PAM: variants seen among roughly 807,000 people sequenced by gnomAD.
PAM encodes the protein peptidyl-glycine alpha-amidating monooxygenase.
PAM carries 72 observed loss-of-function variants against 122.1 expected under a neutral mutation model. The observed-to-expected ratio is 0.59, with a 90% CI of 0.49 to 0.72. The LOEUF is 0.72. Ranked by LOEUF, PAM falls within the 30% of genes least tolerant of loss-of-function variation. PAM has a pLI of 0.00. For missense variants in PAM, 1,106 were observed against 1,183.7 expected (o/e 0.93, Z 0.96); for synonymous variants, 389 against 404.4 (o/e 0.96, Z 0.46).
chr5:102,796,447 A>T (rs189187718), intron 1 of PAM, among the ~76,000 whole-genome samples: 3 of 152,194 alleles, frequency 2.0e-5, no homozygotes, highest in African/African-American at 7.2e-5. Context: ...TTCACCTTTT[A>T]AATAAGGCAA....
chr5:102,914,291 A>C (rs1401522451), intron 5 of PAM, among the ~76,000 whole-genome samples: 1 of 151,988 alleles, frequency 6.6e-6, no homozygotes, highest in Non-Finnish European at 1.5e-5. Context: ...GGACCCCAAA[A>C]GGGGCTGGGA....
Position 102,849,419 on chromosome 5 carries a change from A to C in PAM, c.-373-16404A>C, listed in dbSNP as rs189195503. Among the ~76,000 whole-genome samples the C allele has an allele frequency of 3.9e-4, 59 of 152,056 alleles. 1 individual carries two copies. Among genetic ancestry groups the C allele is most frequent in the African/African-American group, 1.3e-3 (56 of 41,496 alleles). On this transcript the variant is annotated intron_variant, in intron 1 of 25. Transcript: ENST00000438793. ...TAAAAATACAAAAAATTAGCTGGGC[A>C]TGGTGGCATGCACCTGTAGTCCCAG...
intron 3 of PAM, among the ~76,000 whole-genome samples, chr5:102,889,424 C>G (rs978736674): frequency 2.6e-5 from 4 of 151,836 alleles, no homozygotes; most frequent in Non-Finnish European, 5.9e-5. Flanking sequence ...CTTCTTGGCT[C>G]TTAGGTTTTT....
chr5:102,934,741 T>C (rs970312774), intron 7 of PAM, among the ~76,000 whole-genome samples: 1 of 152,208 alleles, frequency 6.6e-6, no homozygotes, highest in Non-Finnish European at 1.5e-5. Context: ...ACCATCCCTA[T>C]GTAGATACAC....
At chr5:102,839,004 T>C (rs763929723) in intron 1 of PAM, among the ~76,000 whole-genome samples, 2 of 151,980 alleles carry the variant, frequency 1.3e-5, no homozygotes, top group South Asian at 4.2e-4. Context: ...TTAAAGAAAA[T>C]TTCATTACTT....
chr5:102,901,159 G>A (rs1263670822), intron 3 of PAM, among the ~76,000 whole-genome samples, 197 bp from the exon 4 acceptor site: 1 of 151,474 alleles, frequency 6.6e-6, no homozygotes, highest in African/African-American at 2.4e-5. Context: ...AAGTTGTTTA[G>A]GAAAGAGTCT....
chr5:103,024,244 G>T (rs1784366561), intron 23 of PAM, among the ~76,000 whole-genome samples: 1 of 152,110 alleles, frequency 6.6e-6, no homozygotes, highest in Admixed American at 6.6e-5. Flanking sequence ...GTAGGGCAAG[G>T]ATGTCTCAAG....
intron 12 of PAM, among the ~76,000 whole-genome samples, chr5:102,951,777 G>T (rs1053826385): frequency 6.6e-6 from 1 of 151,988 alleles, no homozygotes; most frequent in Non-Finnish European, 1.5e-5. Flanking sequence ...TAAGGCTAAG[G>T]ATAAAACAAA....
At chr5:103,026,975 G>C (rs766228991) in intron 24 of PAM, among the ~76,000 whole-genome samples, 1 of 152,144 alleles carries the variant, frequency 6.6e-6, no homozygotes, top group African/African-American at 2.4e-5. Flanking sequence ...GACTTTACAG[G>C]AATGTGTTAG....
At chr5:102,956,907 T>C (rs2150169232) in intron 12 of PAM, among the ~76,000 whole-genome samples, 1 of 152,230 alleles carries the variant, frequency 6.6e-6, no homozygotes, top group South Asian at 2.1e-4. Context: ...CTTCCAAATA[T>C]ACATGTAACA....
chr5:102,919,667 G>A (rs977166724), intron 5 of PAM, among the ~76,000 whole-genome samples: 10 of 152,078 alleles, frequency 6.6e-5, no homozygotes, highest in Non-Finnish European at 1.3e-4. Flanking sequence ...ATAAATTACT[G>A]ATAGGCTAAA....
Position 102,960,411 on chromosome 5 carries a change from A to G in PAM, c.1090+352A>G, listed in dbSNP as rs115256082. Among the ~76,000 whole-genome samples the G allele has an allele frequency of 7.3e-3, 1,112 of 152,140 alleles. 8 individuals carry two copies. Among genetic ancestry groups the G allele is most frequent in the Non-Finnish European group, 0.012 (842 of 67,928 alleles). ...TACACAGTTTATGAATTTATGCACC[A>G]TGTTCTAAAGATCACTACAGTTTGC... On this transcript the variant is annotated intron_variant, in intron 13 of 25. Coordinates refer to ENST00000438793, the MANE Select transcript of PAM (RefSeq NM_001177306.2).
chr5:102,803,123 CA>C (rs1269635372), intron 1 of PAM, among the ~76,000 whole-genome samples: 5 of 129,616 alleles, frequency 3.9e-5, no homozygotes, highest in African/African-American at 8.7e-5. Context: ...ATTCTGTGTC[CA>C]AAAAAAAAGA....
intron 15 of PAM, among the ~76,000 whole-genome samples, chr5:102,983,984 A>G (rs916214994): frequency 1.3e-5 from 2 of 152,200 alleles, no homozygotes; most frequent in African/African-American, 4.8e-5. Context: ...TTCGCATTAG[A>G]ACATCCCTAC....
chr5:102,940,608 TA>T (rs915545287), intron 7 of PAM, among the ~76,000 whole-genome samples: 12 of 150,946 alleles, frequency 7.9e-5, no homozygotes, highest in African/African-American at 2.9e-4. Context: ...AAAGAGGAAA[TA>T]AAAAAAGTAA....
chr5:102,858,044 C>T (rs1272987496), intron 1 of PAM, among the ~76,000 whole-genome samples: 2 of 152,086 alleles, frequency 1.3e-5, no homozygotes, highest in Non-Finnish European at 2.9e-5. Flanking sequence ...ATCTATAAAA[C>T]AGAATTAATA....
intron 14 of PAM, among the ~76,000 whole-genome samples, chr5:102,970,572 A>G (rs1765513982): frequency 1.3e-5 from 2 of 152,220 alleles, no homozygotes; most frequent in Admixed American, 1.3e-4. Flanking sequence ...ATTTATTAAT[A>G]AAAAAGAAAA....
chr5:102,947,923 A>G (rs1582038587), intron 8 of PAM, among the ~76,000 whole-genome samples: 1 of 152,282 alleles, frequency 6.6e-6, no homozygotes, highest in African/African-American at 2.4e-5. Flanking sequence ...TGGAAATTCA[A>G]GGAAGGGTTG....
intron 7 of PAM, among the ~76,000 whole-genome samples, chr5:102,941,833 C>CAAAA (rs70990420): frequency 1.5e-4 from 9 of 58,358 alleles, no homozygotes; most frequent in Admixed American, 2.4e-4. Context: ...CCAGATGGTA[C>CAAAA]AAAAAAAAAA....
Sources: gnomAD v4.1 joint callset for allele counts (sites outside exome capture counted in the v4.1 genomes callset) on GRCh38, gnomAD v4.1.1 for gene constraint, MANE v1.5 for transcripts, NCBI Gene and HGNC (gene_info 2026-07-23, HGNC 2026-07-21) for gene names.